SNAI3: variants seen among roughly 807,000 people sequenced by gnomAD.
SNAI3 encodes zinc finger protein SNAI3.
Under a neutral mutation model 16.4 loss-of-function variants are expected in SNAI3, and 21 were observed. The ratio of observed to expected loss-of-function variants is 1.28; its 90% CI spans 0.91 to 1.85. The LOEUF (loss-of-function observed/expected upper bound fraction) is 1.85, where lower values mean the gene tolerates loss of function less well. Ranked by LOEUF, SNAI3 falls within the 40% of genes most tolerant of loss-of-function variation. The pLI is 0.00. For missense variants in SNAI3, 457 were observed against 372.8 expected (o/e 1.23, Z -1.86); for synonymous variants, 202 against 166.6 (o/e 1.21, Z -1.64).
In SNAI3 at chr16:88,681,397, G is replaced by C; in HGVS notation, c.394C>G (p.Arg132Gly). The C allele has an allele frequency of 1.2e-6, 2 of 1,612,234 alleles. No individual in the cohort carries two copies. Among genetic ancestry groups the C allele is most frequent in the Non-Finnish European group, 8.5e-7 (1 of 1,179,016 alleles). ...TRWSPTLGPD[R>G]HGAPEKLLGA... Reference sequence around the variant, plus strand: ...AGCAGTTTTTCCGGAGCCCCGTGCCGGTCTGGGCCCAAGGTCGGGGACCAC... The same window carrying C: ...AGCAGTTTTTCCGGAGCCCCGTGCCCGTCTGGGCCCAAGGTCGGGGACCAC... The change falls in exon 2 of 3, where the codon CGG becomes GGG. Residue 132 changes from arginine (R) to glycine (G), a missense_variant. Coordinates refer to ENST00000332281, the MANE Select transcript of SNAI3 (RefSeq NM_178310.4). The surrounding 1 kb of genome is among the most constrained non-coding windows in gnomAD (Gnocchi z 5.4).
intron 1 of SNAI3, among the ~76,000 whole-genome samples, chr16:88,682,900 G>A (rs2142946874): frequency 6.7e-6 from 1 of 148,368 alleles, no homozygotes; most frequent in South Asian, 2.2e-4. Context: ...TCAGCCTCCT[G>A]CGTAGCTGGG....
Position 88,681,291 on chromosome 16 carries a change from AGCCC to A in SNAI3, c.496_499del (p.Gly166TrpfsTer266). ...GCAGTGCAGCTGCCGGTGCCTGGCCAGCCCGGCCAGCGTGTGGTAGGGTTTGTGG... is the reference window on the plus strand; with the variant it reads ...GCAGTGCAGCTGCCGGTGCCTGGCCAGGCCAGCGTGTGGTAGGGTTTGTGG... On this transcript the variant is annotated frameshift_variant, in exon 2 of 3. Coordinates refer to ENST00000332281, the MANE Select transcript of SNAI3 (RefSeq NM_178310.4). LOFTEE classifies it high-confidence loss of function. This position sits in a 1 kb window ranked among gnomAD's most constrained non-coding sequence, Gnocchi z 5.4. 1 of 1,613,304 alleles carries A rather than the reference AGCCC, an allele frequency of 6.2e-7. No individual in the cohort carries two copies. Among genetic ancestry groups the A allele is most frequent in the East Asian group, 2.2e-5 (1 of 44,866 alleles).
At chr16:88,682,104 C>T (rs1909194274) in intron 1 of SNAI3, among the ~76,000 whole-genome samples, 1 of 152,198 alleles carries the variant, frequency 6.6e-6, no homozygotes, top group Admixed American at 6.5e-5. Context: ...GGAGGGGTCC[C>T]AGCCTGGGCC....
rs536841736 is a variant in SNAI3, at chr16:88,683,596, C to T, written c.77-1882G>A. ...TTTTGAGCTGGAGTCTCACTCTTGT[C>T]GCCCAGGCTGGAGTGCAATGGCGTG... On this transcript the variant is annotated intron_variant, in intron 1 of 2. Transcript: ENST00000332281. 6.8e-4 allele frequency among the ~76,000 whole-genome samples: 86 copies of T among 126,420 alleles called. 1 individual carries two copies. Among genetic ancestry groups the T allele is most frequent in the African/African-American group, 2.2e-3 (71 of 32,406 alleles). 82.9% of individuals were successfully genotyped at this position (126,420 alleles called of 152,430 possible). A position where few individuals can be genotyped will look rare whatever the true frequency, so the allele number is the denominator to read the frequency against.
chr16:88,678,213 CGGG>C lies in SNAI3; in HGVS notation c.*232_*234del. 1 of 470,750 alleles carries C rather than the reference CGGG, an allele frequency of 2.1e-6. No individual in the cohort carries two copies. Among genetic ancestry groups the C allele is most frequent in the South Asian group, 3.4e-5 (1 of 29,488 alleles). The allele number at this position is 470,750 out of a possible 1,614,324, so 29.2% of individuals were successfully genotyped here. A position where few individuals can be genotyped will look rare whatever the true frequency, so the allele number is the denominator to read the frequency against. ...CTCTTGTTCTGATGAAAGCCTTCCC[CGGG>C]AGAGGAGTCTCCTCTGAGTGGGCTC... On this transcript the variant is annotated 3_prime_UTR_variant, in exon 3 of 3. Coordinates refer to ENST00000332281, the MANE Select transcript of SNAI3 (RefSeq NM_178310.4).
chr16:88,680,995 C>T, intron 2 of SNAI3, 99 bp downstream of exon 2: 2 of 1,479,154 alleles, frequency 1.4e-6, no homozygotes, highest in Non-Finnish European at 1.8e-6. Flanking sequence ...AATGCCCATG[C>T]TATTGTTTAT....
At position 88,681,859 on chromosome 16, in the gene SNAI3, G is replaced by C. The variant is rs1394836387; in HGVS notation, c.77-145C>G. On this transcript the variant is annotated intron_variant, in intron 1 of 2. Coordinates refer to ENST00000332281, the MANE Select transcript of SNAI3 (RefSeq NM_178310.4). The surrounding 1 kb of genome is among the most constrained non-coding windows in gnomAD (Gnocchi z 5.4). Reference sequence around the variant, plus strand: ...AGCCGGGAACCTGCATGCAGACCCAGCTTGCAAGGGAGCTGGCGGTGCTGT... The same window carrying C: ...AGCCGGGAACCTGCATGCAGACCCACCTTGCAAGGGAGCTGGCGGTGCTGT... 2 of 952,326 alleles carry C rather than the reference G, an allele frequency of 2.1e-6. No homozygotes were observed. Among genetic ancestry groups the C allele is most frequent in the African/African-American group, 1.7e-5 (1 of 58,976 alleles). The allele number at this position is 952,326 out of a possible 1,614,324, so 59.0% of individuals were successfully genotyped here.
rs372730251 is a variant in SNAI3, at chr16:88,681,457, G to A, written c.334C>T (p.Leu112Phe). Reference sequence around the variant, plus strand: ...AGCACCAGCAGTGGGGGCAGGTTGAGGTGGTTCAGGCTGTCTTTGAGGGGT... The same window carrying A: ...AGCACCAGCAGTGGGGGCAGGTTGAAGTGGTTCAGGCTGTCTTTGAGGGGT... ...IVPLKDSLNHLNLPPLLVLPT... is the reference protein window; with the variant it reads ...IVPLKDSLNHFNLPPLLVLPT... Residue 112 changes from leucine (L) to phenylalanine (F), a missense_variant, in exon 2 of 3, where the codon CTC becomes TTC. Coordinates refer to ENST00000332281, the MANE Select transcript of SNAI3 (RefSeq NM_178310.4). The surrounding 1 kb of genome is among the most constrained non-coding windows in gnomAD (Gnocchi z 5.4). 152 of 1,598,416 alleles carry A rather than the reference G, an allele frequency of 9.5e-5. 1 individual carries two copies. In the South Asian group the frequency reaches 1.6e-3, roughly 17 times the overall value.
Position 88,681,212 on chromosome 16 carries a change from GGT to G in SNAI3, c.577_578del (p.Thr193GlnfsTer91). 6.2e-7 allele frequency: 1 copy of G among 1,613,724 alleles called. No homozygotes were observed. On this transcript the variant is annotated frameshift_variant, in exon 2 of 3. Coordinates refer to ENST00000332281, the MANE Select transcript of SNAI3 (RefSeq NM_178310.4). LOFTEE classifies it high-confidence loss of function. The surrounding 1 kb of genome is among the most constrained non-coding windows in gnomAD (Gnocchi z 5.4). ...TGTGCATCTTGAGGGCACCCAGGCTGGTGTACTCCTTGTCGCAGTACTTGCAG... is the reference window on the plus strand; with the variant it reads ...TGTGCATCTTGAGGGCACCCAGGCTGGTACTCCTTGTCGCAGTACTTGCAG... Reference protein sequence around the residue: ...FTCKYCDKEYTSLGALKMHIR... With the variant: ...FTCKYCDKEYXSLGALKMHIR...
chr16:88,678,684 A>G, intron 2 of SNAI3, 55 bp from the exon 3 acceptor site: 2 of 1,549,098 alleles, frequency 1.3e-6, no homozygotes, highest in Non-Finnish European at 1.7e-6. Context: ...TGAAGGCTAA[A>G]GCACCCACCC....
At chr16:88,682,298 G>C (rs1308478655) in intron 1 of SNAI3, among the ~76,000 whole-genome samples, 1 of 152,242 alleles carries the variant, frequency 6.6e-6, no homozygotes, top group Non-Finnish European at 1.5e-5. Flanking sequence ...CCGCTGACCA[G>C]TGCCCACTCT....
chr16:88,678,710 A>C, intron 2 of SNAI3, 81 bp from the exon 3 acceptor site: 1 of 1,496,956 alleles, frequency 6.7e-7, no homozygotes, highest in Non-Finnish European at 8.9e-7. Context: ...ATCAATGGAT[A>C]CTCCCATCCC....
At position 88,683,147 on chromosome 16, in the gene SNAI3, G is replaced by A. The variant is rs1340234999; in HGVS notation, c.77-1433C>T. ...GTCTCCCAGGCTGGAGTGCAGTGGC[G>A]TGAAATCGGCTCACTGCAACCTGCA... On this transcript the variant is annotated intron_variant, in intron 1 of 2. Coordinates refer to ENST00000332281, the MANE Select transcript of SNAI3 (RefSeq NM_178310.4). Among the ~76,000 whole-genome samples, 43 of 145,514 alleles carry A rather than the reference G, an allele frequency of 3.0e-4. 1 individual carries two copies. The highest frequency in any genetic ancestry group is 2.2e-3 in the Admixed American group (31 of 14,268).
chr16:88,678,740 G>A, intron 2 of SNAI3, 111 bp from the exon 3 acceptor site: 1 of 1,461,240 alleles, frequency 6.8e-7, no homozygotes, highest in Non-Finnish European at 9.0e-7. Flanking sequence ...AATGCTCACA[G>A]CCAGAGCACC....
At chr16:88,682,760 G>A (rs1405373986) in intron 1 of SNAI3, among the ~76,000 whole-genome samples, 2 of 95,292 alleles carry the variant, frequency 2.1e-5, no homozygotes, top group East Asian at 5.2e-4. Flanking sequence ...TATGGGCAAG[G>A]GATTTTTTTT....
Position 88,686,358 on chromosome 16 carries a change from TG to T in SNAI3, c.48del (p.Asn17ThrfsTer93). The T allele has an allele frequency of 6.2e-7, 1 of 1,612,358 alleles. No homozygotes were observed. The highest frequency in any genetic ancestry group is 1.1e-5 in the South Asian group (1 of 91,066). On this transcript the variant is annotated frameshift_variant, in exon 1 of 3. Transcript: ENST00000332281. LOFTEE classifies it high-confidence loss of function. Reference protein sequence around the residue: ...LVKTHSSHRVPNYRRLETQRE... With the variant: ...LVKTHSSHRVXNYRRLETQRE... ...CTCTGCGTCTCCAGCCGCCGGTAGT[TG>T]GGGACCCTGTGGCTGGAGTGCGTTT... is the stretch of plus-strand genomic sequence containing the variant.
rs1909372553 is a variant in SNAI3 at position 88,686,504 on chromosome 16, C to T, written c.-98G>A. 11 of 1,480,712 alleles carry T rather than the reference C, an allele frequency of 7.4e-6. No homozygotes were observed. In the Admixed American group the frequency reaches 1.4e-4, roughly 19 times the overall value. The allele number at this position is 1,480,712 out of a possible 1,614,324, so 91.7% of individuals were successfully genotyped here. A position where few individuals can be genotyped will look rare whatever the true frequency, so the allele number is the denominator to read the frequency against. ...CGCCGGCGCTTGAAGGGGTCAGGCT[C>T]ATTAGCATAGCGCGCCGCCTCCGCC... is the stretch of plus-strand genomic sequence containing the variant. On this transcript the variant is annotated 5_prime_UTR_variant, in exon 1 of 3. The change abolishes an upstream ATG in the 5' untranslated region. Transcript: ENST00000332281.
chr16:88,679,761 C>CAAAAA (rs567387152), intron 2 of SNAI3, among the ~76,000 whole-genome samples: 1 of 68,446 alleles, frequency 1.5e-5, no homozygotes, highest in Non-Finnish European at 2.7e-5. Context: ...GACTCTGTCT[C>CAAAAA]AAAAAAAAAA....
Position 88,678,380 on chromosome 16 carries a change from G to C in SNAI3, c.*68C>G. ...GCCCTCCCAGACTCCTGGCTCCTCTGGGGGCAGGAGGGACGCCAGCTCTCC... is the reference window on the plus strand; with the variant it reads ...GCCCTCCCAGACTCCTGGCTCCTCTCGGGGCAGGAGGGACGCCAGCTCTCC... On this transcript the variant is annotated 3_prime_UTR_variant, in exon 3 of 3. Coordinates refer to ENST00000332281, the MANE Select transcript of SNAI3 (RefSeq NM_178310.4). 6.1e-6 allele frequency: 4 copies of C among 657,016 alleles called. No homozygotes were observed. Among genetic ancestry groups the C allele is most frequent in the East Asian group, 5.3e-5 (2 of 37,938 alleles). 40.7% of individuals were successfully genotyped at this position (657,016 alleles called of 1,614,324 possible).
Sources: allele counts gnomAD v4.1 joint callset (sites outside exome capture counted in the v4.1 genomes callset), GRCh38; gene constraint gnomAD v4.1.1; non-coding constraint Gnocchi (gnomAD v3.1); transcripts MANE v1.5; gene names NCBI Gene and HGNC (gene_info 2026-07-23, HGNC 2026-07-21).